RFX8: variants seen among roughly 807,000 people sequenced by gnomAD.
RFX8 encodes regulatory factor X8.
A neutral mutation model predicts 54.6 loss-of-function variants in RFX8; 46 were observed. The observed-to-expected ratio is 0.84, with a 90% confidence interval of 0.67 to 1.08. The LOEUF (loss-of-function observed/expected upper bound fraction) is 1.08. RFX8 is among the 50% of genes least tolerant of loss of function. The pLI is 0.00. For synonymous variants in RFX8, 192 were observed against 209.5 expected, an observed-to-expected ratio of 0.92 and a Z score of 0.72; for missense variants, 536 against 562.3, an observed-to-expected ratio of 0.95 and a Z score of 0.47.
intron 2 of RFX8, among the ~76,000 whole-genome samples, chr2:101,436,594 CAT>C (rs984482860): frequency 5.5e-5 from 8 of 146,482 alleles, no homozygotes; most frequent in African/African-American, 2.0e-4. Flanking sequence ...TTGCTGCACA[CAT>C]AGAGAAATGG....
chr2:101,429,182 T>C (rs753140667), intron 2 of RFX8, among the ~76,000 whole-genome samples: 5 of 152,194 alleles, frequency 3.3e-5, no homozygotes, highest in Admixed American at 1.3e-4. Flanking sequence ...ATCACAAGCT[T>C]GGGCTTTAAA....
At chr2:101,456,641 G>A (rs1002510604) in intron 2 of RFX8, among the ~76,000 whole-genome samples, 5 of 152,082 alleles carry the variant, frequency 3.3e-5, no homozygotes, top group South Asian at 2.1e-4. Flanking sequence ...TTTTCGTATC[G>A]ATGTTCATCA....
At chr2:101,420,841 A>G (rs752263612) in intron 4 of RFX8, among the ~76,000 whole-genome samples, 6 of 152,190 alleles carry the variant, frequency 3.9e-5, no homozygotes, top group Non-Finnish European at 7.3e-5. Flanking sequence ...TCCACATTGC[A>G]TCATATTTAT....
rs188622884 is a variant in RFX8, at chr2:101,466,983, T to C, written c.-52-83A>G. On this transcript the variant is annotated intron_variant, in intron 1 of 11. Coordinates refer to ENST00000428343, the MANE Select transcript of RFX8 (RefSeq NM_001145664.2). ...ATTTTGACAAAATCAATGGTCAAGA[T>C]GTGTATGAGGTTCCAATAAATGAAA... The C allele has an allele frequency of 4.8e-4, 325 of 678,700 alleles. 2 individuals carry two copies. The Middle Eastern group carries it at 0.011, about 22-fold the overall frequency. 42.0% of individuals were successfully genotyped at this position (678,700 alleles called of 1,614,324 possible).
intron 2 of RFX8, among the ~76,000 whole-genome samples, chr2:101,427,055 G>A (rs991250340): frequency 3.3e-5 from 5 of 152,104 alleles, no homozygotes; most frequent in Non-Finnish European, 5.9e-5. Flanking sequence ...TTCCACACAC[G>A]TTTGTCATCA....
intron 1 of RFX8, chr2:101,474,399 G>A (rs1215991141): frequency 5.2e-6 from 2 of 381,750 alleles, no homozygotes; most frequent in Non-Finnish European, 9.3e-6. Context: ...CGCGCGGGGG[G>A]CGCGCGGGGC....
At chr2:101,441,321 T>C (rs1447981621) in intron 2 of RFX8, among the ~76,000 whole-genome samples, 3 of 152,096 alleles carry the variant, frequency 2.0e-5, no homozygotes, top group Admixed American at 6.6e-5. Context: ...GTGAGGCCTT[T>C]AAGAGGTAGG....
At chr2:101,404,842 AAGTG>A (rs1241895777) in intron 10 of RFX8, among the ~76,000 whole-genome samples, 9 of 152,292 alleles carry the variant, frequency 5.9e-5, no homozygotes, top group African/African-American at 1.2e-4. Flanking sequence ...GTCCCACTAT[AAGTG>A]AGTGTCACCT....
chr2:101,441,408 G>A (rs1429556223), intron 2 of RFX8, among the ~76,000 whole-genome samples: 2 of 152,156 alleles, frequency 1.3e-5, no homozygotes, highest in Admixed American at 6.5e-5. Flanking sequence ...AATGAGACTG[G>A]TGGCTTTGTA....
intron 8 of RFX8, among the ~76,000 whole-genome samples, chr2:101,412,155 C>G (rs1251562171): frequency 6.6e-6 from 1 of 152,184 alleles, no homozygotes; most frequent in Admixed American, 6.5e-5. Context: ...AGGACACACA[C>G]AGGGGAGCCT....
At chr2:101,448,966 C>T (rs1020632599) in intron 2 of RFX8, among the ~76,000 whole-genome samples, 2 of 152,130 alleles carry the variant, frequency 1.3e-5, no homozygotes, top group South Asian at 4.1e-4. Context: ...AAGAACTTTC[C>T]TGTAGCTGGC....
At chr2:101,400,818 T>C (rs572920268) in intron 11 of RFX8, among the ~76,000 whole-genome samples, 1 of 152,160 alleles carries the variant, frequency 6.6e-6, no homozygotes, top group South Asian at 2.1e-4. Context: ...TGCTCCAGAG[T>C]ACACTCAGGC....
intron 2 of RFX8, among the ~76,000 whole-genome samples, chr2:101,447,856 C>T (rs569631578): frequency 1.0e-3 from 156 of 152,314 alleles, no homozygotes; most frequent in African/African-American, 3.4e-3. Flanking sequence ...AGTGAGAACA[C>T]GCAATATTTG....
At position 101,455,020 on chromosome 2, in the gene RFX8, C is replaced by CTTTTTTT. The variant is rs556030262; in HGVS notation, c.72+11750_72+11756dup. Among the ~76,000 whole-genome samples the CTTTTTTT allele has an allele frequency of 1.5e-3, 218 of 142,318 alleles. 6 individuals are homozygous for CTTTTTTT. Among genetic ancestry groups the CTTTTTTT allele is most frequent in the African/African-American group, 5.6e-3 (210 of 37,800 alleles). 93.4% of individuals were successfully genotyped at this position (142,318 alleles called of 152,430 possible). ...TGCCTAGGTTTTCTTTTTCTTTTTT[C>CTTTTTTT]TTTTTTTTTTTGAGACAGAGTTTCA... On this transcript the variant is annotated intron_variant, in intron 2 of 11. Transcript: ENST00000428343.
At chr2:101,418,600 G>C (rs1450417569) in intron 5 of RFX8, among the ~76,000 whole-genome samples, 1 of 152,140 alleles carries the variant, frequency 6.6e-6, no homozygotes, top group South Asian at 2.1e-4. Context: ...AAAGAACTTC[G>C]ACTCAATTCG....
chr2:101,415,322 A>C (rs1686429257), intron 6 of RFX8, among the ~76,000 whole-genome samples: 1 of 152,212 alleles, frequency 6.6e-6, no homozygotes, highest in African/African-American at 2.4e-5. Flanking sequence ...CACCATGTGA[A>C]GACAAAGCAA....
chr2:101,462,307 G>T (rs774972047), intron 2 of RFX8, among the ~76,000 whole-genome samples: 8 of 152,110 alleles, frequency 5.3e-5, no homozygotes, highest in Non-Finnish European at 1.0e-4. Flanking sequence ...TGGCACACGT[G>T]TAGTCCCAGC....
chr2:101,420,302 G>C (rs1686789695), intron 4 of RFX8, among the ~76,000 whole-genome samples: 2 of 152,126 alleles, frequency 1.3e-5, no homozygotes, highest in Non-Finnish European at 2.9e-5. Context: ...AGCACTTTGG[G>C]AGGCCGAGGT....
chr2:101,453,935 C>T (rs1258338062), intron 2 of RFX8, among the ~76,000 whole-genome samples: 1 of 152,094 alleles, frequency 6.6e-6, no homozygotes, highest in African/African-American at 2.4e-5. Flanking sequence ...TTCTAGGGTA[C>T]ATGTGCACAA....
Sources: gnomAD v4.1 joint callset for allele counts (sites outside exome capture counted in the v4.1 genomes callset) on GRCh38, gnomAD v4.1.1 for gene constraint, MANE v1.5 for transcripts, NCBI Gene and HGNC (gene_info 2026-07-23, HGNC 2026-07-21) for gene names.